Variants in SCYL1 observed in about 807,000 individuals in gnomAD.
The protein encoded by SCYL1 is N-terminal kinase-like protein.
A neutral mutation model predicts 94.8 loss-of-function variants in SCYL1; 85 were observed. That is an observed-to-expected ratio of 0.90 (90% CI 0.75 to 1.07). SCYL1 has a LOEUF of 1.07. Ranked by LOEUF, SCYL1 falls within the 50% of genes least tolerant of loss-of-function variation. The pLI is 0.00. For missense variants in SCYL1, 968 were observed against 1,083.3 expected, an observed-to-expected ratio of 0.89 and a Z score of 1.49; for synonymous variants, 459 against 435.5, an observed-to-expected ratio of 1.05 and a Z score of -0.67.
At chr11:65,536,491 AG>A in intron 12 of SCYL1, 94 bp from the exon 13 acceptor site, 1 of 1,468,872 alleles carries the variant, frequency 6.8e-7, no homozygotes. Flanking sequence ...TGGAGAAAGG[AG>A]GGGTGGCTGC....
rs201426628 is a variant in SCYL1 at position 65,531,677 on chromosome 11, G to T, written c.1110G>T (p.Leu370=). ...ACCGGGCCATGCGCATCCGCCTCCT[G>T]CAGCAGGTGAGGCCTCTGTACCAGA... ...STDRAMRIRL[L]QQMEQFIQYL... Residue 370 remains leucine (L), a synonymous_variant, in exon 8 of 18, where the codon CTG becomes CTT. Transcript: ENST00000270176. 2 of 1,612,230 alleles carry T rather than the reference G, an allele frequency of 1.2e-6. No homozygotes were observed. The highest frequency in any genetic ancestry group is 1.7e-6 in the Non-Finnish European group (2 of 1,178,446).
At chr11:65,537,239 A>T (rs1461586252) in intron 14 of SCYL1, 111 bp downstream of exon 14, 3 of 1,203,660 alleles carry the variant, frequency 2.5e-6, no homozygotes, top group Non-Finnish European at 3.6e-6. Flanking sequence ...TCATCAGCAC[A>T]GCATCCCTGG....
intron 9 of SCYL1, among the ~76,000 whole-genome samples, chr11:65,534,044 T>C (rs1461061330): frequency 2.0e-5 from 3 of 151,928 alleles, no homozygotes; most frequent in Non-Finnish European, 4.4e-5. Context: ...CTGGCTAACA[T>C]GGTGAAACCC....
chr11:65,531,550 C>T (rs758587173), intron 7 of SCYL1, 26 bp from the exon 8 acceptor site: 8 of 1,558,620 alleles, frequency 5.1e-6, no homozygotes, highest in Admixed American at 3.3e-5. Flanking sequence ...CTGTGAGCAG[C>T]TGAACCCATC....
intron 13 of SCYL1, 108 bp from the exon 14 acceptor site, chr11:65,536,878 C>T (rs2135092564): frequency 4.6e-6 from 6 of 1,315,804 alleles, no homozygotes; most frequent in Admixed American, 1.8e-5. Context: ...GCTCCAGTCA[C>T]CCTGTGGGCT....
intron 9 of SCYL1, 94 bp downstream of exon 9, chr11:65,532,899 G>A (rs1855457849): frequency 3.3e-6 from 3 of 914,558 alleles, no homozygotes; most frequent in South Asian, 2.8e-5. Flanking sequence ...TGGCCCATGG[G>A]TCCAAGCAGA....
In SCYL1 at chr11:65,536,311, A is replaced by G; in HGVS notation, c.1628A>G (p.Asp543Gly). 1 of 1,613,948 alleles carries G rather than the reference A, an allele frequency of 6.2e-7. No individual in the cohort carries two copies. Among genetic ancestry groups the G allele is most frequent in the Non-Finnish European group, 8.5e-7 (1 of 1,179,948 alleles). ...FLSKLESVSE[D>G]PTQLEEVEKD... ...TCCAAATTGGAGTCTGTGTCGGAGG[A>G]CCCGACCCAGCTGGAGGAAGTGGGT... Residue 543 changes from aspartate to glycine, a missense_variant, in exon 12 of 18, where the codon GAC (aspartate) becomes GGC (glycine). Transcript: ENST00000270176.
chr11:65,527,731 C>CAA lies in SCYL1; in HGVS notation c.849+633_849+634dup, dbSNP rs35335117. ...CGGGCGACAGTGTGAGACTTCGTCT[C>CAA]AAAAAAAAAAAAAAAAAAAAGATGT... is the stretch of plus-strand genomic sequence containing the variant. On this transcript the variant is annotated intron_variant, in intron 6 of 17. Transcript: ENST00000270176. Among the ~76,000 whole-genome samples, 683 of 88,310 alleles carry CAA rather than the reference C, an allele frequency of 7.7e-3. 9 individuals carry two copies. Among genetic ancestry groups the CAA allele is most frequent in the South Asian group, 0.013 (33 of 2,570 alleles). 57.9% of individuals were successfully genotyped at this position (88,310 alleles called of 152,430 possible). A position where few individuals can be genotyped will look rare whatever the true frequency, so the allele number is the denominator to read the frequency against.
At chr11:65,528,429 C>T (rs1054381241) in intron 6 of SCYL1, among the ~76,000 whole-genome samples, 6 of 150,738 alleles carry the variant, frequency 4.0e-5, no homozygotes, top group African/African-American at 1.5e-4. Context: ...GCAACAAGAG[C>T]AAATCTCCGT....
rs1267808335 is a variant in SCYL1, at chr11:65,537,001, C to T, written c.1832C>T (p.Ala611Val). Residue 611 changes from alanine (A) to valine (V), a missense_variant, in exon 14 of 18, where the codon GCC becomes GTC. Physicochemically the swap from Ala to Val is moderately conservative, Grantham distance 64. Transcript: ENST00000270176. Reference protein sequence around the residue: ...RPTPEGVPAPAPTPVPATPTT... With the variant: ...RPTPEGVPAPVPTPVPATPTT... ...TGCTCCCCAGGAGTTCCTGCCCCAG[C>T]CCCCACCCCTGTTCCTGCCACCCCT... 2 of 1,611,652 alleles carry T rather than the reference C, an allele frequency of 1.2e-6. No homozygotes were observed. The highest frequency in any genetic ancestry group is 1.1e-5 in the South Asian group (1 of 91,048).
Position 65,536,589 on chromosome 11 carries a change from A to G in SCYL1, c.1655A>G (p.Lys552Arg), listed in dbSNP as rs1237694356. 5 of 1,614,040 alleles carry G rather than the reference A, an allele frequency of 3.1e-6. No homozygotes were observed. The highest frequency in any genetic ancestry group is 4.2e-6 in the Non-Finnish European group (5 of 1,179,974). Residue 552 changes from lysine (K) to arginine (R), a missense_variant, in exon 13 of 18, where the codon AAG becomes AGG. Physicochemically the swap from Lys to Arg is conservative, Grantham distance 26. This residue lies in a region of SCYL1 where 474 missense variants were observed against 463.6 expected (regional missense o/e 1.02). Transcript: ENST00000270176. The part of the protein sequence containing the change: ...EDPTQLEEVE[K>R]DVHAASSPGM... The stretch of plus-strand genomic sequence containing the variant: ...TCTCTCTCATGCCACTGCCCAGAGA[A>G]GGATGTCCATGCAGCCTCCAGCCCT...
At chr11:65,537,738 G>A in intron 14 of SCYL1, 71 bp from the exon 15 acceptor site, 1 of 1,347,776 alleles carries the variant, frequency 7.4e-7, no homozygotes, top group Non-Finnish European at 1.0e-6. Context: ...CCGTGGCTGG[G>A]ATGATGCTGG....
rs1590723046 is a variant in SCYL1, at chr11:65,527,108, G to A, written c.840G>A (p.Glu280=). 2 of 1,613,042 alleles carry A rather than the reference G, an allele frequency of 1.2e-6. No homozygotes were observed. The highest frequency in any genetic ancestry group is 1.7e-6 in the Non-Finnish European group (2 of 1,179,670). The change falls in exon 6 of 18, where the codon GAG becomes GAA. Residue 280 remains glutamate (E), a synonymous_variant. Transcript: ENST00000270176. ...NRFVETNLFL[E]EIQIKEPAEK... Reference sequence around the variant, plus strand: ...TTGTAGAAACCAACCTCTTCCTGGAGGAGATTCAGGTGAGCCCCCAACCCA... The same window carrying A: ...TTGTAGAAACCAACCTCTTCCTGGAAGAGATTCAGGTGAGCCCCCAACCCA...
At position 65,535,374 on chromosome 11, in the gene SCYL1, A is replaced by G; in HGVS notation, c.1378A>G (p.Ser460Gly). Reference protein sequence around the residue: ...VCLGKIGSYLSASTRHRVLTS... With the variant: ...VCLGKIGSYLGASTRHRVLTS... Reference sequence around the variant, plus strand: ...CCTGGGCAAAATCGGCTCCTACCTCAGTGCTAGCGTGAGTGTCCTGCACAA... The same window carrying G: ...CCTGGGCAAAATCGGCTCCTACCTCGGTGCTAGCGTGAGTGTCCTGCACAA... The change falls in exon 10 of 18, where the codon AGT (serine) becomes GGT (glycine). Residue 460 changes from serine (S) to glycine (G), a missense_variant. Ser to Gly is a moderately conservative substitution (Grantham distance 56). Coordinates refer to ENST00000270176, the MANE Select transcript of SCYL1 (RefSeq NM_020680.4). The G allele has an allele frequency of 1.2e-6, 2 of 1,614,026 alleles. No homozygotes were observed. The highest frequency in any genetic ancestry group is 1.7e-6 in the Non-Finnish European group (2 of 1,179,878).
At chr11:65,537,341 G>A (rs1855721979) in intron 14 of SCYL1, among the ~76,000 whole-genome samples, 1 of 152,190 alleles carries the variant, frequency 6.6e-6, no homozygotes, top group Non-Finnish European at 1.5e-5. Context: ...CTAGGCAGAT[G>A]GTGCCTGGGG....
rs772286196 is a variant in SCYL1, at chr11:65,538,685, A to G, written c.*119A>G. On this transcript the variant is annotated 3_prime_UTR_variant, in exon 18 of 18. Coordinates refer to ENST00000270176, the MANE Select transcript of SCYL1 (RefSeq NM_020680.4). Reference sequence around the variant, plus strand: ...ATCTCACGTGTACATAATCAGAGCCACAATAAATTCTATTTCACACCCCTT... The same window carrying G: ...ATCTCACGTGTACATAATCAGAGCCGCAATAAATTCTATTTCACACCCCTT... The G allele has an allele frequency of 5.7e-4, 732 of 1,274,618 alleles. 2 individuals are homozygous for G. Among genetic ancestry groups the G allele is most frequent in the Non-Finnish European group, 7.6e-4 (714 of 945,130 alleles). The allele number at this position is 1,274,618 out of a possible 1,614,324, so 79.0% of individuals were successfully genotyped here.
chr11:65,531,788 T>C, intron 8 of SCYL1, 105 bp downstream of exon 8: 1 of 784,316 alleles, frequency 1.3e-6, no homozygotes. Flanking sequence ...ACCCCACCCC[T>C]GAACATACAC....
In SCYL1 at chr11:65,526,884, T is replaced by C; in HGVS notation, c.693+11T>C. 6.2e-7 allele frequency: 1 copy of C among 1,613,078 alleles called. No homozygotes were observed. Among genetic ancestry groups the C allele is most frequent in the Non-Finnish European group, 8.5e-7 (1 of 1,179,684 alleles). ...CGCAACCCTGGGAAGGTAAGTTTCTTGCCCCTGGCTCTTTGCCCTGCCTCA... is the reference window on the plus strand; with the variant it reads ...CGCAACCCTGGGAAGGTAAGTTTCTCGCCCCTGGCTCTTTGCCCTGCCTCA... On this transcript the variant is annotated intron_variant, in intron 5 of 17. Transcript: ENST00000270176. This position sits in a 1 kb window ranked among gnomAD's most constrained non-coding sequence, Gnocchi z 4.1.
In SCYL1 at chr11:65,525,586, C is replaced by T. The variant is rs752404870; in HGVS notation, c.124C>T (p.Pro42Ser). ...HRGRKKATGS[P>S]VSIFVYDVKP... ...TGCCCTCCCCTAGGCCACAGGCAGC[C>T]CCGTGTCCATCTTCGTCTATGATGT... The change falls in exon 2 of 18, where the codon CCC becomes TCC. Residue 42 changes from proline (P) to serine (S), a missense_variant. Physicochemically the swap from Pro to Ser is moderately conservative, Grantham distance 74. Transcript: ENST00000270176. The T allele has an allele frequency of 1.9e-6, 3 of 1,612,428 alleles. No homozygotes were observed. The highest frequency in any genetic ancestry group is 2.5e-6 in the Non-Finnish European group (3 of 1,179,944).
Sources: allele counts gnomAD v4.1 joint callset (sites outside exome capture counted in the v4.1 genomes callset), GRCh38; gene constraint gnomAD v4.1.1; regional missense constraint gnomAD v4.1.1; non-coding constraint Gnocchi (gnomAD v3.1); transcripts MANE v1.5; gene names NCBI Gene and HGNC (gene_info 2026-07-23, HGNC 2026-07-21).